The following GHR variants were observed in gnomAD, a reference collection of about 807,000 sequenced individuals.
The protein encoded by GHR is growth hormone receptor.
In GHR, 35 loss-of-function variants were observed where a neutral mutation model predicts 67.1. The ratio of observed to expected loss-of-function variants is 0.52; its 90% CI spans 0.40 to 0.69. GHR has a LOEUF of 0.69. Among genes scored for constraint, GHR ranks in the 30% least tolerant of loss-of-function variants. GHR has a pLI of 0.00. For missense variants in GHR, 792 were observed against 764.6 expected (o/e 1.04, Z -0.42); for synonymous variants, 272 against 269.1 (o/e 1.01, Z -0.10).
chr5:42,671,257 A>C (rs1485076461), intron 3 of GHR, among the ~76,000 whole-genome samples: 1 of 152,148 alleles, frequency 6.6e-6, no homozygotes, highest in Non-Finnish European at 1.5e-5. Flanking sequence ...GCAGAAGGTG[A>C]AACAGGAACA....
rs928495307 is a variant in GHR, at chr5:42,619,931, C to T, written c.71-9107C>T. 12 of 152,168 alleles carry T rather than the reference C, an allele frequency of 7.9e-5. No homozygotes were observed. In the East Asian group the frequency reaches 2.3e-3, roughly 29 times the overall value. The allele number at this position is 152,168 out of a possible 1,614,324, so 9.4% of individuals were successfully genotyped here. A position where few individuals can be genotyped will look rare whatever the true frequency, so the allele number is the denominator to read the frequency against. On this transcript the variant is annotated intron_variant, in intron 2 of 9. Transcript: ENST00000230882. ...CCTGTGATTTAAGAGTCACTACTAC[C>T]AGTATCAGCCTAGTAAACAAGTACC...
At chr5:42,442,251 A>C (rs191017765) in intron 1 of GHR, among the ~76,000 whole-genome samples, 14 of 152,302 alleles carry the variant, frequency 9.2e-5, no homozygotes, top group Admixed American at 9.2e-4. Context: ...AAATGAGTGA[A>C]ATTTAGTAGG....
At chr5:42,677,798 G>T (rs1756643261) in intron 3 of GHR, among the ~76,000 whole-genome samples, 1 of 152,024 alleles carries the variant, frequency 6.6e-6, no homozygotes, top group Non-Finnish European at 1.5e-5. Flanking sequence ...TTCCAGTGTA[G>T]CCCAGGAAAG....
intron 3 of GHR, among the ~76,000 whole-genome samples, chr5:42,664,888 A>C (rs1755871204): frequency 6.6e-6 from 1 of 152,222 alleles, no homozygotes; most frequent in African/African-American, 2.4e-5. Flanking sequence ...GAACTCAAAC[A>C]AATCTACAGG....
At position 42,576,143 on chromosome 5, in the gene GHR, T is replaced by TAAA. The variant is rs1359047675; in HGVS notation, c.70+10200_70+10201insAAA. Among the ~76,000 whole-genome samples, 351 of 83,100 alleles carry TAAA rather than the reference T, an allele frequency of 4.2e-3. 5 individuals are homozygous for TAAA. Among genetic ancestry groups the TAAA allele is most frequent in the African/African-American group, 0.017 (344 of 19,750 alleles). 54.5% of individuals were successfully genotyped at this position (83,100 alleles called of 152,430 possible). A position where few individuals can be genotyped will look rare whatever the true frequency, so the allele number is the denominator to read the frequency against. On this transcript the variant is annotated intron_variant, in intron 2 of 9. Transcript: ENST00000230882. The stretch of plus-strand genomic sequence containing the variant: ...TAAAATAAAATAAAATAAAATAAAA[T>TAAA]AGTAAAGTAAAATAAAATAAAGGCA...
intron 2 of GHR, among the ~76,000 whole-genome samples, chr5:42,579,181 T>C (rs1161899227): frequency 9.3e-5 from 14 of 151,090 alleles, no homozygotes; most frequent in Non-Finnish European, 1.5e-5. Flanking sequence ...GATAGATAGA[T>C]AGATAGATAG....
intron 3 of GHR, among the ~76,000 whole-genome samples, chr5:42,660,795 C>T (rs1014101724): frequency 2.2e-4 from 34 of 152,114 alleles, no homozygotes; most frequent in Middle Eastern, 3.4e-3. Context: ...AGACTTCAGA[C>T]GATCAAATTA....
intron 1 of GHR, among the ~76,000 whole-genome samples, chr5:42,439,895 A>C (rs1743493286): frequency 6.6e-6 from 1 of 152,154 alleles, no homozygotes; most frequent in Admixed American, 6.5e-5. Flanking sequence ...CTTCCCTTAA[A>C]TGTTTTTTCT....
rs1055726375 is a variant in GHR, at chr5:42,428,327, G to A, written c.-12+4372G>A. On this transcript the variant is annotated intron_variant, in intron 1 of 9. Transcript: ENST00000230882. ...TTTTAGACATGGCTAGAGGGGCTGGGACACAGGGTACCAAGTACCTAGGCT... is the reference window on the plus strand; with the variant it reads ...TTTTAGACATGGCTAGAGGGGCTGGAACACAGGGTACCAAGTACCTAGGCT... Among the ~76,000 whole-genome samples, 5 of 152,300 alleles carry A rather than the reference G, an allele frequency of 3.3e-5. 1 individual carries two copies. The South Asian group carries it at 1.0e-3, about 32-fold the overall frequency.
chr5:42,646,961 A>G (rs1246827225), intron 3 of GHR, among the ~76,000 whole-genome samples: 1 of 152,122 alleles, frequency 6.6e-6, no homozygotes, highest in African/African-American at 2.4e-5. Flanking sequence ...TGTTGTTCAG[A>G]GAAGGATATT....
intron 1 of GHR, chr5:42,465,661 T>A: frequency 1.1e-6 from 1 of 873,786 alleles, no homozygotes. Context: ...ATCTGCTACC[T>A]CCACGTTACA....
Position 42,713,499 on chromosome 5 carries a change from CT to C in GHR, c.857del (p.Leu286TyrfsTer11). ...GGCTAACAGTGATGCTATTTGTATT[CT>C]TATTTTCTAAACAGCAAAGGTAGGT... ...FGLTVMLFVF[L>X]FSKQQRIKML... On this transcript the variant is annotated frameshift_variant, in exon 8 of 10. Coordinates refer to ENST00000230882, the MANE Select transcript of GHR (RefSeq NM_000163.5). LOFTEE classifies it high-confidence loss of function. 1 of 1,443,372 alleles carries C rather than the reference CT, an allele frequency of 6.9e-7. No individual in the cohort carries two copies. Among genetic ancestry groups the C allele is most frequent in the Non-Finnish European group, 9.7e-7 (1 of 1,029,106 alleles). 89.4% of individuals were successfully genotyped at this position (1,443,372 alleles called of 1,614,324 possible). A position where few individuals can be genotyped will look rare whatever the true frequency, so the allele number is the denominator to read the frequency against.
chr5:42,625,723 G>A (rs926743648), intron 2 of GHR, among the ~76,000 whole-genome samples: 1 of 145,604 alleles, frequency 6.9e-6, no homozygotes, highest in African/African-American at 2.4e-5. Context: ...GAAGACCTGG[G>A]ATTAATGGAA....
chr5:42,440,842 T>G (rs1343890051), intron 1 of GHR, among the ~76,000 whole-genome samples: 1 of 152,208 alleles, frequency 6.6e-6, no homozygotes, highest in Admixed American at 6.5e-5. Context: ...ATAGTACTGG[T>G]GAGGGATGTC....
intron 3 of GHR, among the ~76,000 whole-genome samples, chr5:42,631,957 A>G (rs1044803215): frequency 1.3e-5 from 2 of 152,096 alleles, no homozygotes; most frequent in African/African-American, 4.8e-5. Context: ...TGTGTTGAAC[A>G]ACTTCCTACC....
intron 2 of GHR, among the ~76,000 whole-genome samples, chr5:42,620,382 T>C (rs918782400): frequency 6.6e-6 from 1 of 152,174 alleles, no homozygotes; most frequent in South Asian, 2.1e-4. Flanking sequence ...GCTAATGCTG[T>C]GATGGATCAA....
intron 3 of GHR, among the ~76,000 whole-genome samples, chr5:42,663,845 C>T (rs1271364852): frequency 6.6e-6 from 1 of 152,200 alleles, no homozygotes; most frequent in East Asian, 1.9e-4. Context: ...TCTAGAAAAC[C>T]CCATTGTCTC....
At chr5:42,474,333 G>GAAAGAAAGAAAGAAAGAAAGA (rs144590349) in intron 1 of GHR, among the ~76,000 whole-genome samples, 9 of 149,104 alleles carry the variant, frequency 6.0e-5, no homozygotes, top group South Asian at 2.2e-4. Context: ...AAGAAAGAAA[G>GAAAGAAAGAAAGAAAGAAAGA]AAAGAAAAGA....
chr5:42,510,840 T>C (rs1336777767), intron 1 of GHR, among the ~76,000 whole-genome samples: 1 of 152,172 alleles, frequency 6.6e-6, no homozygotes, highest in Non-Finnish European at 1.5e-5. Context: ...AGGGCGTATT[T>C]CTTGGGAGAC....
Sources: gnomAD v4.1 joint callset for allele counts (sites outside exome capture counted in the v4.1 genomes callset) on GRCh38, gnomAD v4.1.1 for gene constraint, MANE v1.5 for transcripts, NCBI Gene and HGNC (gene_info 2026-07-23, HGNC 2026-07-21) for gene names.